The following SPATS2 variants were observed in gnomAD, a reference collection of about 807,000 sequenced individuals.
SPATS2 encodes spermatogenesis-associated serine-rich protein 2.
A neutral mutation model predicts 63.7 loss-of-function variants in SPATS2; 38 were observed. The observed-to-expected ratio is 0.60, with a 90% CI of 0.46 to 0.78. The LOEUF (loss-of-function observed/expected upper bound fraction) is 0.78. Ranked by LOEUF, SPATS2 falls within the 30% of genes least tolerant of loss-of-function variation. The pLI is 0.00. For synonymous variants in SPATS2, 207 were observed against 232.9 expected (o/e 0.89, Z 1.01); for missense variants, 588 against 666.2 (o/e 0.88, Z 1.29).
intron 1 of SPATS2, among the ~76,000 whole-genome samples, chr12:49,370,683 G>A (rs1160154492): frequency 2.0e-5 from 3 of 152,120 alleles, no homozygotes; most frequent in African/African-American, 4.8e-5. Flanking sequence ...ACAGGATCTC[G>A]CTATGTTGCC....
At chr12:49,516,181 AT>A (rs1266524831) in intron 10 of SPATS2, among the ~76,000 whole-genome samples, 30 of 80,294 alleles carry the variant, frequency 3.7e-4, no homozygotes, top group South Asian at 1.3e-3. Flanking sequence ...ATATATATAT[AT>A]ATATATATAT....
intron 2 of SPATS2, among the ~76,000 whole-genome samples, chr12:49,407,610 A>T (rs959358132): frequency 1.3e-5 from 2 of 152,196 alleles, no homozygotes; most frequent in Non-Finnish European, 2.9e-5. Flanking sequence ...TTCAGGGGTC[A>T]GGCTGAAATG....
At chr12:49,398,015 C>G (rs1263975598) in intron 2 of SPATS2, among the ~76,000 whole-genome samples, 1 of 149,514 alleles carries the variant, frequency 6.7e-6, no homozygotes, top group Non-Finnish European at 1.5e-5. Flanking sequence ...GTGGTGTGAG[C>G]CTGTGGTCTC....
chr12:49,379,025 C>T (rs1254731955), intron 2 of SPATS2, among the ~76,000 whole-genome samples: 1 of 151,640 alleles, frequency 6.6e-6, no homozygotes, highest in Non-Finnish European at 1.5e-5. Context: ...TCAAGTGATT[C>T]TTCTGCCTCA....
At chr12:49,502,157 G>A (rs1288953362) in intron 9 of SPATS2, among the ~76,000 whole-genome samples, 1 of 152,146 alleles carries the variant, frequency 6.6e-6, no homozygotes, top group Non-Finnish European at 1.5e-5. Flanking sequence ...GCTGCCTGTA[G>A]ACTGTTCCCT....
chr12:49,410,406 A>G (rs1944777412), intron 2 of SPATS2, among the ~76,000 whole-genome samples: 1 of 152,094 alleles, frequency 6.6e-6, no homozygotes. Flanking sequence ...GCTGCACACC[A>G]TGTATCTGAA....
At chr12:49,485,756 T>C (rs1946280868) in intron 4 of SPATS2, among the ~76,000 whole-genome samples, 1 of 147,964 alleles carries the variant, frequency 6.8e-6, no homozygotes, top group African/African-American at 2.5e-5. Flanking sequence ...TTATGGGCTC[T>C]CTTTTTTTTT....
chr12:49,389,505 T>C (rs1944382240), intron 2 of SPATS2: 1 of 883,086 alleles, frequency 1.1e-6, no homozygotes, highest in South Asian at 1.3e-5. Flanking sequence ...GAGCAGGATA[T>C]ATCTTTAGAA....
At chr12:49,465,624 T>G (rs1945899458) in intron 3 of SPATS2, among the ~76,000 whole-genome samples, 1 of 152,142 alleles carries the variant, frequency 6.6e-6, no homozygotes, top group South Asian at 2.1e-4. Context: ...GTAAGTATAT[T>G]CTCCCATTCC....
intron 2 of SPATS2, among the ~76,000 whole-genome samples, chr12:49,437,342 A>G (rs1945330047): frequency 6.7e-6 from 1 of 148,666 alleles, no homozygotes; most frequent in South Asian, 2.1e-4. Context: ...CTCACTTTCC[A>G]GACTGGGCAG....
intron 2 of SPATS2, among the ~76,000 whole-genome samples, chr12:49,421,290 C>T (rs370844180): frequency 2.2e-4 from 33 of 151,730 alleles, no homozygotes; most frequent in South Asian, 4.2e-4. Context: ...TGGTGGCGTG[C>T]GCCTGTAATC....
chr12:49,492,795 G>T (rs1946404440), intron 6 of SPATS2, among the ~76,000 whole-genome samples: 1 of 151,980 alleles, frequency 6.6e-6, no homozygotes, highest in African/African-American at 2.4e-5. Context: ...ATGGGGGAAA[G>T]TAAGAAAAAG....
chr12:49,412,765 T>A (rs1189431515), intron 2 of SPATS2, among the ~76,000 whole-genome samples: 4 of 151,490 alleles, frequency 2.6e-5, no homozygotes, highest in Non-Finnish European at 5.9e-5. Flanking sequence ...AAAAAAAAAA[T>A]TCAAATAGTG....
chr12:49,436,826 C>T (rs1162487186), intron 2 of SPATS2, among the ~76,000 whole-genome samples: 3 of 139,564 alleles, frequency 2.1e-5, no homozygotes, highest in Admixed American at 6.9e-5. Context: ...AGGCGCCCCT[C>T]ACCTCCTGGA....
At chr12:49,522,926 A>G (rs972155956) in intron 12 of SPATS2, 73 bp downstream of exon 12, 1 of 1,281,216 alleles carries the variant, frequency 7.8e-7, no homozygotes, top group Admixed American at 2.0e-5. Context: ...GATTGTCTTC[A>G]CCACTGATTC....
chr12:49,454,896 A>C (rs1443338530), intron 2 of SPATS2, among the ~76,000 whole-genome samples: 3 of 151,460 alleles, frequency 2.0e-5, no homozygotes, highest in African/African-American at 7.3e-5. Context: ...AAAAAAAAAA[A>C]AACAGTCCAT....
At chr12:49,515,443 C>T (rs1946822781) in intron 10 of SPATS2, among the ~76,000 whole-genome samples, 1 of 152,218 alleles carries the variant, frequency 6.6e-6, no homozygotes, top group African/African-American at 2.4e-5. Flanking sequence ...GATCATGACT[C>T]ACAGTTAAAT....
chr12:49,429,750 C>T (rs943836041), intron 2 of SPATS2, among the ~76,000 whole-genome samples: 4 of 150,618 alleles, frequency 2.7e-5, no homozygotes, highest in Non-Finnish European at 2.9e-5. Context: ...GCCACTGTGC[C>T]TGGCCTAGAA....
chr12:49,426,398 T>C (rs74782098), intron 2 of SPATS2, among the ~76,000 whole-genome samples: 14,029 of 152,252 alleles, frequency 0.092, 760 homozygotes, highest in African/African-American at 0.14. Context: ...TTCTGACTTA[T>C]GTCACAATAG....
Sources: gnomAD v4.1 joint callset for allele counts (sites outside exome capture counted in the v4.1 genomes callset) on GRCh38, gnomAD v4.1.1 for gene constraint, MANE v1.5 for transcripts, NCBI Gene and HGNC (gene_info 2026-07-23, HGNC 2026-07-21) for gene names.